RFTN1: variants seen among roughly 807,000 people sequenced by gnomAD.
The protein encoded by RFTN1 is raftlin.
In RFTN1, 26 loss-of-function variants were observed where a neutral mutation model predicts 46.5. The ratio of observed to expected loss-of-function variants is 0.56; its 90% confidence interval spans 0.41 to 0.78. RFTN1 has a LOEUF of 0.78. Among genes scored for constraint, RFTN1 ranks in the 30% least tolerant of loss-of-function variants. RFTN1 has a pLI of 0.00. For synonymous variants in RFTN1, 261 were observed against 284.2 expected (o/e 0.92, Z 0.82); for missense variants, 693 against 718.7 (o/e 0.96, Z 0.41).
At chr3:16,492,977 T>G (rs1287327111) in intron 2 of RFTN1, among the ~76,000 whole-genome samples, 1 of 152,204 alleles carries the variant, frequency 6.6e-6, no homozygotes, top group African/African-American at 2.4e-5. Context: ...GTATGGTAGG[T>G]GACCCGACTC....
chr3:16,336,872 T>C lies in RFTN1; in HGVS notation c.1147-9996A>G, dbSNP rs1575037603. On this transcript the variant is annotated intron_variant, in intron 7 of 9. Coordinates refer to ENST00000334133, the MANE Select transcript of RFTN1 (RefSeq NM_015150.2). This position sits in a 1 kb window ranked among gnomAD's most constrained non-coding sequence, Gnocchi z 6.0. ...CAACGAAATAAAAAATAATAATTGT[T>C]ATTATTACATGAAACATATTGTTTG... Among the ~76,000 whole-genome samples, 2 of 152,186 alleles carry C rather than the reference T, an allele frequency of 1.3e-5. No homozygotes were observed. The highest frequency in any genetic ancestry group is 4.1e-4 in the South Asian group (2 of 4,822).
intron 1 of RFTN1, among the ~76,000 whole-genome samples, chr3:16,510,958 A>C (rs1356858362): frequency 6.6e-6 from 1 of 152,240 alleles, no homozygotes; most frequent in Non-Finnish European, 1.5e-5. Flanking sequence ...CCGGAACATA[A>C]GTCAGCAATA....
intron 3 of RFTN1, among the ~76,000 whole-genome samples, chr3:16,417,452 G>A (rs1335355902): frequency 6.6e-6 from 1 of 152,144 alleles, no homozygotes; most frequent in Non-Finnish European, 1.5e-5. Context: ...TTTGGACACT[G>A]AGCACTTGTA....
intron 2 of RFTN1, among the ~76,000 whole-genome samples, chr3:16,488,351 G>A (rs780845305): frequency 6.6e-6 from 1 of 152,000 alleles, no homozygotes; most frequent in Admixed American, 6.5e-5. Context: ...CCCCTGCCTC[G>A]GCCTTCCAAA....
rs2076395345 is a variant in RFTN1 at position 16,483,146 on chromosome 3, A to G, written c.145+10579T>C. ...TTTGTTATGTTCTAAAACTGCAGGTATCATATTTACAGAGAGGTAATAAAT... is the reference window on the plus strand; with the variant it reads ...TTTGTTATGTTCTAAAACTGCAGGTGTCATATTTACAGAGAGGTAATAAAT... On this transcript the variant is annotated intron_variant, in intron 2 of 9. Coordinates refer to ENST00000334133, the MANE Select transcript of RFTN1 (RefSeq NM_015150.2). The surrounding 1 kb of genome is among the most constrained non-coding windows in gnomAD (Gnocchi z 4.8). Among the ~76,000 whole-genome samples the G allele has an allele frequency of 6.6e-6, 1 of 152,250 alleles. No homozygotes were observed. Among genetic ancestry groups the G allele is most frequent in the Non-Finnish European group, 1.5e-5 (1 of 68,050 alleles).
At position 16,481,906 on chromosome 3, in the gene RFTN1, T is replaced by C. The variant is rs2076373310; in HGVS notation, c.145+11819A>G. Among the ~76,000 whole-genome samples the C allele has an allele frequency of 6.6e-6, 1 of 152,180 alleles. No homozygotes were observed. Among genetic ancestry groups the C allele is most frequent in the Non-Finnish European group, 1.5e-5 (1 of 68,022 alleles). The stretch of plus-strand genomic sequence containing the variant: ...AGGAAAAGTCCCGATATTGGCACAC[T>C]TACAAAACTGGGACTAAGTGGCAGC... On this transcript the variant is annotated intron_variant, in intron 2 of 9. Coordinates refer to ENST00000334133, the MANE Select transcript of RFTN1 (RefSeq NM_015150.2). The surrounding 1 kb of genome is among the most constrained non-coding windows in gnomAD (Gnocchi z 5.1).
At chr3:16,432,201 A>C (rs1186499151) in intron 3 of RFTN1, among the ~76,000 whole-genome samples, 2 of 152,174 alleles carry the variant, frequency 1.3e-5, no homozygotes, top group African/African-American at 4.8e-5. Flanking sequence ...CCAGATAATG[A>C]TCAACAGCCA....
rs1309177032 is a variant in RFTN1, at chr3:16,376,273, T to C, written c.826+1445A>G. 1.3e-5 allele frequency among the ~76,000 whole-genome samples: 2 copies of C among 152,214 alleles called. No individual in the cohort carries two copies. Among genetic ancestry groups the C allele is most frequent in the African/African-American group, 4.8e-5 (2 of 41,454 alleles). The stretch of plus-strand genomic sequence containing the variant: ...ACCTTTCCATGAGAAACTATCGTTC[T>C]ATCCCCATTTCAAAGGGTGAGAAAC... On this transcript the variant is annotated intron_variant, in intron 5 of 9. Coordinates refer to ENST00000334133, the MANE Select transcript of RFTN1 (RefSeq NM_015150.2). This position sits in a 1 kb window ranked among gnomAD's most constrained non-coding sequence, Gnocchi z 4.7.
intron 2 of RFTN1, among the ~76,000 whole-genome samples, chr3:16,454,071 A>T (rs2124913215): frequency 6.6e-6 from 1 of 152,336 alleles, no homozygotes; most frequent in Admixed American, 6.5e-5. Flanking sequence ...TATGAGCTCC[A>T]CCAGATCTGA....
intron 2 of RFTN1, among the ~76,000 whole-genome samples, chr3:16,445,214 A>C (rs186352475): frequency 8.2e-4 from 125 of 152,316 alleles, no homozygotes; most frequent in African/African-American, 2.8e-3. Context: ...TTTACAAGGC[A>C]CTTTTGAGGA....
At chr3:16,362,677 C>T (rs1464811294) in intron 6 of RFTN1, among the ~76,000 whole-genome samples, 3 of 152,236 alleles carry the variant, frequency 2.0e-5, no homozygotes, top group Non-Finnish European at 4.4e-5. Flanking sequence ...TATCAAATTT[C>T]CAAAGCCTCT....
At chr3:16,486,573 G>T (rs1326571218) in intron 2 of RFTN1, among the ~76,000 whole-genome samples, 2 of 152,086 alleles carry the variant, frequency 1.3e-5, no homozygotes, top group African/African-American at 4.8e-5. Flanking sequence ...TCTTTTGCCT[G>T]ACTAACAGCC....
chr3:16,497,273 C>T (rs1261607394), intron 1 of RFTN1, among the ~76,000 whole-genome samples: 1 of 152,206 alleles, frequency 6.6e-6, no homozygotes, highest in Non-Finnish European at 1.5e-5. Context: ...ACATCTCCAA[C>T]AATAACGTGA....
chr3:16,503,993 T>C (rs143020137), intron 1 of RFTN1, among the ~76,000 whole-genome samples: 1 of 152,274 alleles, frequency 6.6e-6, no homozygotes, highest in East Asian at 1.9e-4. Flanking sequence ...TGTCTCCCTA[T>C]CTTTCTATCC....
chr3:16,435,555 A>G (rs933023673), intron 2 of RFTN1, among the ~76,000 whole-genome samples: 1 of 152,168 alleles, frequency 6.6e-6, no homozygotes, highest in Non-Finnish European at 1.5e-5. Flanking sequence ...GGGCAACAAG[A>G]GCTAAACTCC....
chr3:16,478,620 CT>C (rs2124964039), intron 2 of RFTN1, among the ~76,000 whole-genome samples: 1 of 152,334 alleles, frequency 6.6e-6, no homozygotes, highest in Non-Finnish European at 1.5e-5. Flanking sequence ...CTGGGTGCCT[CT>C]GGCTCAAAAT....
Position 16,378,047 on chromosome 3 carries a change from T to TGG in RFTN1, c.495_496dup (p.His166ProfsTer5). ...GCTGCCTGCCGAGTTCACAGAGGAA[T>TGG]GGTACTGAGGTATAACACCAACGAA... On this transcript the variant is annotated frameshift_variant, in exon 5 of 10. Coordinates refer to ENST00000334133, the MANE Select transcript of RFTN1 (RefSeq NM_015150.2). LOFTEE classifies it high-confidence loss of function. The TGG allele has an allele frequency of 6.2e-7, 1 of 1,614,280 alleles. No individual in the cohort carries two copies. The highest frequency in any genetic ancestry group is 8.5e-7 in the Non-Finnish European group (1 of 1,180,046).
chr3:16,375,983 G>T (rs2073753717), intron 5 of RFTN1, among the ~76,000 whole-genome samples: 1 of 152,220 alleles, frequency 6.6e-6, no homozygotes, highest in Non-Finnish European at 1.5e-5. Context: ...ACCTGCGGAA[G>T]TTCCTTGGAC....
In RFTN1 at chr3:16,498,935, A is replaced by C. The variant is rs1045702744; in HGVS notation, c.-8-5058T>G. Among the ~76,000 whole-genome samples, 3 of 152,234 alleles carry C rather than the reference A, an allele frequency of 2.0e-5. No individual in the cohort carries two copies. Among genetic ancestry groups the C allele is most frequent in the African/African-American group, 7.2e-5 (3 of 41,456 alleles). On this transcript the variant is annotated intron_variant, in intron 1 of 9. Transcript: ENST00000334133. The surrounding 1 kb of genome is among the most constrained non-coding windows in gnomAD (Gnocchi z 5.2). ...TAGAGTTTTGTAGACTATATTATTTACCATGTGACATTCCCAAACCATGCT... is the reference window on the plus strand; with the variant it reads ...TAGAGTTTTGTAGACTATATTATTTCCCATGTGACATTCCCAAACCATGCT...
Sources: gnomAD v4.1 joint callset for allele counts (sites outside exome capture counted in the v4.1 genomes callset) on GRCh38, gnomAD v4.1.1 for gene constraint, Gnocchi (gnomAD v3.1) non-coding constraint, MANE v1.5 for transcripts, NCBI Gene and HGNC (gene_info 2026-07-23, HGNC 2026-07-21) for gene names.